Variants in CLPB observed in about 807,000 individuals in gnomAD.
CLPB encodes ClpB family mitochondrial disaggregase, also known as mitochondrial disaggregase.
In CLPB, 40 loss-of-function variants were observed where a neutral mutation model predicts 78.4. The ratio of observed to expected loss-of-function variants is 0.51; its 90% CI spans 0.40 to 0.66. CLPB has a LOEUF of 0.66. Among genes scored for constraint, CLPB ranks in the 30% least tolerant of loss-of-function variants. CLPB has a pLI of 0.00. For synonymous variants in CLPB, 333 were observed against 348.0 expected (o/e 0.96, Z 0.48); for missense variants, 780 against 886.9 (o/e 0.88, Z 1.53).
At chr11:72,319,093 G>C (rs1228082330) in intron 6 of CLPB, among the ~76,000 whole-genome samples, 1 of 152,206 alleles carries the variant, frequency 6.6e-6, no homozygotes, top group African/African-American at 2.4e-5. Flanking sequence ...GAGTTCCAGA[G>C]TATGCCTGCC....
intron 2 of CLPB, among the ~76,000 whole-genome samples, chr11:72,412,526 G>GAT (rs1381049102): frequency 5.9e-5 from 9 of 152,164 alleles, no homozygotes; most frequent in Non-Finnish European, 1.3e-4. Context: ...TACACACACA[G>GAT]ATAGGGAGGC....
intron 5 of CLPB, chr11:72,352,707 T>A (rs1278997618): frequency 6.6e-6 from 1 of 152,238 alleles, no homozygotes; most frequent in African/African-American, 2.4e-5. Context: ...GGTTTTCTCA[T>A]AGAACTGTGA....
intron 6 of CLPB, among the ~76,000 whole-genome samples, chr11:72,319,224 A>G (rs1295235041): frequency 1.3e-5 from 2 of 151,960 alleles, no homozygotes. Context: ...AGACCCTGGG[A>G]CCTCTGGTAC....
At chr11:72,325,896 C>G (rs1250916090) in intron 6 of CLPB, among the ~76,000 whole-genome samples, 3 of 152,116 alleles carry the variant, frequency 2.0e-5, no homozygotes. Flanking sequence ...ATATGGTGGA[C>G]TGTCAACCAC....
At chr11:72,330,050 CCAAA>C (rs1372858594) in intron 5 of CLPB, among the ~76,000 whole-genome samples, 2 of 152,116 alleles carry the variant, frequency 1.3e-5, no homozygotes, top group African/African-American at 4.8e-5. Flanking sequence ...AGAAAGTATG[CCAAA>C]CAAATACACA....
At chr11:72,404,623 T>G (rs1254778163) in intron 2 of CLPB, among the ~76,000 whole-genome samples, 2 of 152,164 alleles carry the variant, frequency 1.3e-5, no homozygotes, top group Non-Finnish European at 2.9e-5. Context: ...CCAGTCTCAG[T>G]GGCCAAAAAG....
chr11:72,424,025 T>C (rs1027762816), intron 2 of CLPB, among the ~76,000 whole-genome samples: 1 of 152,234 alleles, frequency 6.6e-6, no homozygotes, highest in Non-Finnish European at 1.5e-5. Context: ...CTGAGAGGAA[T>C]ACATTTATGC....
chr11:72,398,640 C>G (rs1484068833), intron 3 of CLPB, among the ~76,000 whole-genome samples: 1 of 152,230 alleles, frequency 6.6e-6, no homozygotes, highest in Non-Finnish European at 1.5e-5. Context: ...TCACAGTGAT[C>G]ATTCTGGGAC....
intron 2 of CLPB, among the ~76,000 whole-genome samples, chr11:72,414,983 C>T (rs1306132483): frequency 1.3e-5 from 2 of 152,044 alleles, no homozygotes; most frequent in African/African-American, 2.4e-5. Flanking sequence ...TTTGAGAGGC[C>T]GAGGTGGGTG....
chr11:72,391,416 T>C (rs1172201312), intron 3 of CLPB, among the ~76,000 whole-genome samples: 1 of 152,230 alleles, frequency 6.6e-6, no homozygotes, highest in Non-Finnish European at 1.5e-5. Context: ...TGTATCATGA[T>C]GGCCTGCTTA....
chr11:72,425,196 T>C (rs1234515725), intron 2 of CLPB, among the ~76,000 whole-genome samples: 1 of 152,230 alleles, frequency 6.6e-6, no homozygotes, highest in African/African-American at 2.4e-5. Context: ...GTCCTCAAAC[T>C]TGGCCCCAGT....
chr11:72,317,047 G>A (rs1052639628), intron 7 of CLPB, 59 bp downstream of exon 7: 21 of 1,218,680 alleles, frequency 1.7e-5, no homozygotes, highest in African/African-American at 4.6e-5. Flanking sequence ...GTTTGGTGAC[G>A]ACAGGATGTA....
chr11:72,302,646 A>C (rs1590765497), intron 9 of CLPB: 1 of 359,162 alleles, frequency 2.8e-6, no homozygotes, highest in Non-Finnish European at 5.3e-6. Flanking sequence ...CACATCATCC[A>C]CCCACCCATC....
chr11:72,307,802 G>T (rs914198629), intron 8 of CLPB, among the ~76,000 whole-genome samples: 1 of 152,154 alleles, frequency 6.6e-6, no homozygotes, highest in Non-Finnish European at 1.5e-5. Context: ...GTAACCTTTG[G>T]AAGTCCCTGA....
Position 72,290,975 on chromosome 11 carries a change from T to TA in CLPB, c.*2391dup, listed in dbSNP as rs1482765846. The TA allele has an allele frequency of 6.6e-6, 1 of 150,974 alleles. No homozygotes were observed. Among genetic ancestry groups the TA allele is most frequent in the Non-Finnish European group, 1.5e-5 (1 of 67,782 alleles). 9.4% of individuals were successfully genotyped at this position (150,974 alleles called of 1,614,324 possible). A position where few individuals can be genotyped will look rare whatever the true frequency, so the allele number is the denominator to read the frequency against. Reference sequence around the variant, plus strand: ...AAAAAAAAAAACCAAAACAAAAAGTTACCACCACCCTCCGCTAGGAGGCAC... The same window carrying TA: ...AAAAAAAAAAACCAAAACAAAAAGTTAACCACCACCCTCCGCTAGGAGGCAC... On this transcript the variant is annotated 3_prime_UTR_variant, in exon 16 of 16. Transcript: ENST00000538039.
intron 5 of CLPB, among the ~76,000 whole-genome samples, chr11:72,333,213 T>G (rs1294379653): frequency 1.3e-5 from 2 of 152,182 alleles, no homozygotes; most frequent in Non-Finnish European, 2.9e-5. Context: ...ATACCCCTGA[T>G]GAAAAAGCCT....
At chr11:72,343,283 C>T (rs1950453939) in intron 5 of CLPB, among the ~76,000 whole-genome samples, 1 of 152,134 alleles carries the variant, frequency 6.6e-6, no homozygotes, top group African/African-American at 2.4e-5. Context: ...CTCACAGCAA[C>T]AGAAACCAAT....
At chr11:72,327,108 G>T (rs1950146309) in intron 6 of CLPB, among the ~76,000 whole-genome samples, 1 of 152,186 alleles carries the variant, frequency 6.6e-6, no homozygotes, top group South Asian at 2.1e-4. Context: ...GGGAATCCCT[G>T]GACTGGCTCC....
chr11:72,393,947 G>C (rs987218594), intron 3 of CLPB, among the ~76,000 whole-genome samples: 1 of 151,964 alleles, frequency 6.6e-6, no homozygotes, highest in African/African-American at 2.4e-5. Context: ...TAACTCTGTT[G>C]GCATTTATCA....
Sources: gnomAD v4.1 joint callset for allele counts (sites outside exome capture counted in the v4.1 genomes callset) on GRCh38, gnomAD v4.1.1 for gene constraint, MANE v1.5 for transcripts, NCBI Gene and HGNC (gene_info 2026-07-23, HGNC 2026-07-21) for gene names.